Variants in SMYD1 observed in about 807,000 individuals in gnomAD.
SMYD1 encodes histone-lysine N-methyltransferase SMYD1.
A neutral mutation model predicts 54.0 loss-of-function variants in SMYD1; 49 were observed. The observed-to-expected ratio is 0.91, with a 90% CI of 0.72 to 1.15. The LOEUF is 1.15. Ranked by LOEUF, SMYD1 falls within the 50% of genes most tolerant of loss-of-function variation. SMYD1 has a pLI of 0.00. For missense variants in SMYD1, 653 were observed against 639.6 expected, an observed-to-expected ratio of 1.02 and a Z score of -0.23; for synonymous variants, 269 against 234.2, an observed-to-expected ratio of 1.15 and a Z score of -1.36.
At position 88,111,805 on chromosome 2, in the gene SMYD1, T is replaced by G; in HGVS notation, c.*1293T>G. On this transcript the variant is annotated 3_prime_UTR_variant, in exon 10 of 10. Coordinates refer to ENST00000419482, the MANE Select transcript of SMYD1 (RefSeq NM_198274.4). ...GAGACCCCAAATTTCTCACCAATGTTTTGGGAGATCCTGGAAAAGATCCCT... is the reference window on the plus strand; with the variant it reads ...GAGACCCCAAATTTCTCACCAATGTGTTGGGAGATCCTGGAAAAGATCCCT... 2.6e-6 allele frequency: 1 copy of G among 384,692 alleles called. No homozygotes were observed. The allele number at this position is 384,692 out of a possible 1,614,324, so 23.8% of individuals were successfully genotyped here. A position where few individuals can be genotyped will look rare whatever the true frequency, so the allele number is the denominator to read the frequency against.
chr2:88,099,189 C>A (rs1276337452), intron 6 of SMYD1, among the ~76,000 whole-genome samples: 3 of 152,080 alleles, frequency 2.0e-5, no homozygotes, highest in Non-Finnish European at 1.5e-5. Context: ...TGGGCTCCAG[C>A]GATTCTCCTG....
At chr2:88,109,708 A>T (rs974381159) in intron 9 of SMYD1, among the ~76,000 whole-genome samples, 4 of 152,170 alleles carry the variant, frequency 2.6e-5, no homozygotes, top group Non-Finnish European at 4.4e-5. Flanking sequence ...AGGTTTCCTC[A>T]TCTATAAAAT....
At chr2:88,089,660 A>G (rs986647318) in intron 3 of SMYD1, among the ~76,000 whole-genome samples, 1 of 141,514 alleles carries the variant, frequency 7.1e-6, no homozygotes, top group African/African-American at 2.7e-5. Context: ...TGGTGCAATC[A>G]TGGTTCATTG....
chr2:88,077,523 G>A (rs1674094319), intron 1 of SMYD1, among the ~76,000 whole-genome samples: 1 of 152,210 alleles, frequency 6.6e-6, no homozygotes, highest in South Asian at 2.1e-4. Context: ...GCAAAGTGCT[G>A]TGTAAGTGGG....
rs35206605 is a variant in SMYD1 at position 88,110,234 on chromosome 2, T to TGTGTGTGTGTGG, written c.1315-120_1315-119insGTGTGTGTGTGG. On this transcript the variant is annotated intron_variant, in intron 9 of 9. Coordinates refer to ENST00000419482, the MANE Select transcript of SMYD1 (RefSeq NM_198274.4). The stretch of plus-strand genomic sequence containing the variant: ...GTGTGTGTGTGTGTGTGTGTGTGTG[T>TGTGTGTGTGTGG]ATTCTGAGGGGGTAGAGTTGAATCT... 9.7e-4 allele frequency: 992 copies of TGTGTGTGTGTGG among 1,021,442 alleles called. 12 individuals are homozygous for TGTGTGTGTGTGG. In the African/African-American group the frequency reaches 0.014, roughly 15 times the overall value. 63.3% of individuals were successfully genotyped at this position (1,021,442 alleles called of 1,614,324 possible).
At chr2:88,084,832 C>T (rs1033551822) in intron 2 of SMYD1, among the ~76,000 whole-genome samples, 4 of 152,094 alleles carry the variant, frequency 2.6e-5, no homozygotes, top group African/African-American at 9.7e-5. Flanking sequence ...CTCACTGCAG[C>T]CTTGACCTCC....
chr2:88,096,211 T>A (rs1674582084), intron 5 of SMYD1, among the ~76,000 whole-genome samples: 1 of 152,226 alleles, frequency 6.6e-6, no homozygotes, highest in South Asian at 2.1e-4. Context: ...TTTTAGGTTT[T>A]TTCTTGTTTG....
rs1298003795 is a variant in SMYD1 at position 88,112,911 on chromosome 2, T to G, written c.*2399T>G. ...TTCTCATGTCATTCTGCACACAGTCTCTGCATGAACTCAGGCAGACCCTTC... is the reference window on the plus strand; with the variant it reads ...TTCTCATGTCATTCTGCACACAGTCGCTGCATGAACTCAGGCAGACCCTTC... On this transcript the variant is annotated 3_prime_UTR_variant, in exon 10 of 10. Coordinates refer to ENST00000419482, the MANE Select transcript of SMYD1 (RefSeq NM_198274.4). 2 of 152,266 alleles carry G rather than the reference T, an allele frequency of 1.3e-5. No individual in the cohort carries two copies. Among genetic ancestry groups the G allele is most frequent in the Non-Finnish European group, 2.9e-5 (2 of 68,098 alleles). The allele number at this position is 152,266 out of a possible 1,614,324, so 9.4% of individuals were successfully genotyped here.
chr2:88,082,349 G>A (rs1223561444), intron 1 of SMYD1, among the ~76,000 whole-genome samples: 1 of 152,210 alleles, frequency 6.6e-6, no homozygotes, highest in Non-Finnish European at 1.5e-5. Context: ...TAACAAATTA[G>A]TAGCAATACA....
intron 5 of SMYD1, among the ~76,000 whole-genome samples, chr2:88,094,325 C>G (rs1457055105): frequency 1.3e-5 from 2 of 152,212 alleles, no homozygotes; most frequent in African/African-American, 4.8e-5. Context: ...CTTCCTAGTT[C>G]TAAGTCTCTG....
intron 3 of SMYD1, among the ~76,000 whole-genome samples, chr2:88,089,915 T>C (rs1558852441): frequency 6.6e-6 from 1 of 152,190 alleles, no homozygotes; most frequent in Non-Finnish European, 1.5e-5. Context: ...TTACCTGTTA[T>C]GTTCTATAGC....
chr2:88,097,466 G>A (rs896013077), intron 6 of SMYD1, among the ~76,000 whole-genome samples: 1 of 152,126 alleles, frequency 6.6e-6, no homozygotes, highest in Non-Finnish European at 1.5e-5. Flanking sequence ...TTACTGCAAT[G>A]GTGTAAGCAA....
At chr2:88,088,275 C>T (rs1248118287) in intron 3 of SMYD1, among the ~76,000 whole-genome samples, 200 bp downstream of exon 3, 1 of 152,194 alleles carries the variant, frequency 6.6e-6, no homozygotes, top group East Asian at 1.9e-4. Context: ...CTTCTATTTA[C>T]CGCATGTAGC....
At chr2:88,091,396 C>T (rs1674459101) in intron 4 of SMYD1, among the ~76,000 whole-genome samples, 1 of 152,130 alleles carries the variant, frequency 6.6e-6, no homozygotes, top group Admixed American at 6.5e-5. Context: ...TTAGATAAAC[C>T]TTTAACTACT....
intron 1 of SMYD1, among the ~76,000 whole-genome samples, chr2:88,084,082 C>T (rs1674261530): frequency 6.6e-6 from 1 of 151,808 alleles, no homozygotes; most frequent in African/African-American, 2.4e-5. Context: ...TGCACTTTAG[C>T]ATGGGCAACA....
chr2:88,094,211 C>G (rs1674526005), intron 5 of SMYD1, among the ~76,000 whole-genome samples: 1 of 152,214 alleles, frequency 6.6e-6, no homozygotes, highest in African/African-American at 2.4e-5. Context: ...GCACTTGAGT[C>G]TGTGCTGGTG....
chr2:88,092,798 G>A, intron 4 of SMYD1, among the ~76,000 whole-genome samples: 1 of 152,166 alleles, frequency 6.6e-6, no homozygotes, highest in Admixed American at 6.5e-5. Flanking sequence ...TATGGGCCTG[G>A]GCCTTCTAGA....
intron 8 of SMYD1, among the ~76,000 whole-genome samples, chr2:88,107,263 C>T (rs1674898847): frequency 6.6e-6 from 1 of 152,052 alleles, no homozygotes; most frequent in Admixed American, 6.5e-5. Context: ...CTCTTGCTTT[C>T]TGTGTTTATG....
intron 6 of SMYD1, among the ~76,000 whole-genome samples, chr2:88,098,271 C>T (rs372139024): frequency 1.3e-5 from 2 of 152,222 alleles, no homozygotes; most frequent in East Asian, 3.9e-4. Context: ...AACAACCATG[C>T]GATCATTTCT....
Sources: gnomAD v4.1 joint callset for allele counts (sites outside exome capture counted in the v4.1 genomes callset) on GRCh38, gnomAD v4.1.1 for gene constraint, MANE v1.5 for transcripts, NCBI Gene and HGNC (gene_info 2026-07-23, HGNC 2026-07-21) for gene names.